Variants in ADGRG6 observed in about 807,000 individuals in gnomAD.
ADGRG6 encodes G-protein coupled receptor 126.
ADGRG6 carries 84 observed loss-of-function variants against 142.4 expected under a neutral mutation model. The ratio of observed to expected loss-of-function variants is 0.59; its 90% CI spans 0.49 to 0.71. The LOEUF (loss-of-function observed/expected upper bound fraction) is 0.71, where lower values mean the gene tolerates loss of function less well. ADGRG6 is among the 30% of genes least tolerant of loss of function. The pLI is 0.00. For synonymous variants in ADGRG6, 521 were observed against 520.5 expected, an observed-to-expected ratio of 1.00 and a Z score of -0.01; for missense variants, 1,367 against 1,466.6, an observed-to-expected ratio of 0.93 and a Z score of 1.11.
At chr6:142,381,139 G>A (rs900778326) in intron 4 of ADGRG6, among the ~76,000 whole-genome samples, 2 of 152,172 alleles carry the variant, frequency 1.3e-5, no homozygotes, top group African/African-American at 4.8e-5. Flanking sequence ...GCTCATGTGC[G>A]AGCTGTGCCT....
At position 142,370,779 on chromosome 6, in the gene ADGRG6, G is replaced by C; in HGVS notation, c.1055G>C (p.Ser352Thr). ...CCAAACCTAGCTCTGAAAGCTGAAA[G>C]CAACCTAAGCTGTGGTGAGTTTGTA... ...NIPNLALKAE[S>T]NLSCGSYLIP... Residue 352 changes from serine (S) to threonine (T), a missense_variant, in exon 4 of 25, where the codon AGC becomes ACC. Physicochemically the swap from Ser to Thr is moderately conservative, Grantham distance 58. Transcript: ENST00000367609. 6.2e-7 allele frequency: 1 copy of C among 1,609,454 alleles called. No homozygotes were observed. The highest frequency in any genetic ancestry group is 8.5e-7 in the Non-Finnish European group (1 of 1,177,700).
At chr6:142,441,657 T>C (rs1777761563) in intron 24 of ADGRG6, among the ~76,000 whole-genome samples, 1 of 152,218 alleles carries the variant, frequency 6.6e-6, no homozygotes, top group Non-Finnish European at 1.5e-5. Context: ...ACAGAGTGAC[T>C]ATATCCTTGA....
intron 2 of ADGRG6, among the ~76,000 whole-genome samples, chr6:142,356,440 G>T (rs920710913): frequency 6.6e-6 from 1 of 152,122 alleles, no homozygotes; most frequent in African/African-American, 2.4e-5. Context: ...AACCTGTATT[G>T]GCTGTCCCTT....
At chr6:142,343,517 TA>T (rs1329905670) in intron 2 of ADGRG6, among the ~76,000 whole-genome samples, 2 of 151,866 alleles carry the variant, frequency 1.3e-5, no homozygotes, top group Non-Finnish European at 2.9e-5. Context: ...CATAAAAAGA[TA>T]AACAGTATTT....
intron 17 of ADGRG6, among the ~76,000 whole-genome samples, chr6:142,410,779 T>G (rs1290481140): frequency 6.6e-6 from 1 of 152,140 alleles, no homozygotes; most frequent in Non-Finnish European, 1.5e-5. Context: ...TTCAATACAT[T>G]GACAATATGC....
chr6:142,388,431 A>G (rs574304856), intron 6 of ADGRG6, among the ~76,000 whole-genome samples: 4 of 152,076 alleles, frequency 2.6e-5, no homozygotes, highest in Non-Finnish European at 5.9e-5. Flanking sequence ...CTTTTCAGAT[A>G]CTCTGCTAGC....
At chr6:142,336,697 A>G (rs1433843332) in intron 2 of ADGRG6, among the ~76,000 whole-genome samples, 1 of 152,240 alleles carries the variant, frequency 6.6e-6, no homozygotes, top group Non-Finnish European at 1.5e-5. Flanking sequence ...ATTTGTACAT[A>G]GATAACACAC....
intron 2 of ADGRG6, among the ~76,000 whole-genome samples, chr6:142,317,806 A>G (rs1778183330): frequency 1.1e-5 from 1 of 90,448 alleles, no homozygotes; most frequent in Non-Finnish European, 2.0e-5. Flanking sequence ...TATATTATAT[A>G]TATTTATATA....
Position 142,415,072 on chromosome 6 carries a change from C to T in ADGRG6, c.2645C>T (p.Thr882Ile), listed in dbSNP as rs1240945456. The T allele has an allele frequency of 1.2e-6, 2 of 1,611,854 alleles. No homozygotes were observed. Among genetic ancestry groups the T allele is most frequent in the South Asian group, 1.1e-5 (1 of 90,886 alleles). The change falls in exon 19 of 25, where the codon ACT (threonine) becomes ATT (isoleucine). Residue 882 changes from threonine to isoleucine, a missense_variant. Thr to Ile is a moderately conservative substitution (Grantham distance 89, BLOSUM62 -1). This residue lies in a region of ADGRG6 where 286 missense variants were observed against 371.4 expected (regional missense o/e 0.77). Coordinates refer to ENST00000367609, the MANE Select transcript of ADGRG6 (RefSeq NM_198569.3). ...CGISAIFSAA[T>I]LLTYVAFEKL... is the part of the protein sequence containing the mutation. ...ATATCTGCTATTTTTTCAGCAGCAACTCTCCTGACATATGTTGCTTTTGAG... is the reference window on the plus strand; with the variant it reads ...ATATCTGCTATTTTTTCAGCAGCAATTCTCCTGACATATGTTGCTTTTGAG...
chr6:142,311,578 T>C (rs968354301), intron 2 of ADGRG6, among the ~76,000 whole-genome samples: 1 of 152,028 alleles, frequency 6.6e-6, no homozygotes, highest in African/African-American at 2.4e-5. Context: ...AATCTTTTTT[T>C]GCATAAATCA....
chr6:142,378,955 T>C (rs757070963), intron 4 of ADGRG6, among the ~76,000 whole-genome samples: 4 of 152,232 alleles, frequency 2.6e-5, no homozygotes, highest in Non-Finnish European at 4.4e-5. Flanking sequence ...TGCTTAAATA[T>C]AGAAATATCT....
At chr6:142,348,212 A>G (rs1280631815) in intron 2 of ADGRG6, among the ~76,000 whole-genome samples, 2 of 152,184 alleles carry the variant, frequency 1.3e-5, no homozygotes, top group Non-Finnish European at 2.9e-5. Flanking sequence ...TGATAGGTTT[A>G]TGTTCTAGGA....
chr6:142,402,112 C>G, intron 12 of ADGRG6, 54 bp downstream of exon 12: 1 of 808,044 alleles, frequency 1.2e-6, no homozygotes, highest in South Asian at 1.6e-5. Context: ...TGACTTCATG[C>G]TTCATGATTT....
chr6:142,421,498 C>T (rs1776650586), intron 22 of ADGRG6, among the ~76,000 whole-genome samples: 1 of 152,092 alleles, frequency 6.6e-6, no homozygotes, highest in South Asian at 2.1e-4. Flanking sequence ...TTAATCTCTT[C>T]TATAATATAC....
At chr6:142,360,734 C>T (rs1780671972) in intron 2 of ADGRG6, among the ~76,000 whole-genome samples, 1 of 152,124 alleles carries the variant, frequency 6.6e-6, no homozygotes, top group African/African-American at 2.4e-5. Flanking sequence ...TCTCAGCTTA[C>T]TGAAACTCCA....
chr6:142,436,621 G>T (rs1365680814), intron 22 of ADGRG6, among the ~76,000 whole-genome samples: 1 of 152,064 alleles, frequency 6.6e-6, no homozygotes, highest in African/African-American at 2.4e-5. Flanking sequence ...GGAATTTTTT[G>T]TTTGTTCTTA....
At chr6:142,442,181 G>C (rs1432197518) in intron 24 of ADGRG6, among the ~76,000 whole-genome samples, 1 of 152,116 alleles carries the variant, frequency 6.6e-6, no homozygotes, top group Non-Finnish European at 1.5e-5. Flanking sequence ...TCCAATTTTA[G>C]AGCCATGATT....
chr6:142,409,694 G>A (rs1241114271), intron 16 of ADGRG6, among the ~76,000 whole-genome samples, 180 bp from the exon 17 acceptor site: 1 of 152,038 alleles, frequency 6.6e-6, no homozygotes, highest in Non-Finnish European at 1.5e-5. Flanking sequence ...GTTGATTTTC[G>A]CTTGAAGTCT....
intron 2 of ADGRG6, among the ~76,000 whole-genome samples, chr6:142,345,795 A>G (rs1480295126): frequency 6.6e-6 from 1 of 152,288 alleles, no homozygotes; most frequent in Admixed American, 6.5e-5. Flanking sequence ...AAATTTGACT[A>G]TTTCAGTAGT....
Sources: allele counts gnomAD v4.1 joint callset (sites outside exome capture counted in the v4.1 genomes callset), GRCh38; gene constraint gnomAD v4.1.1; regional missense constraint gnomAD v4.1.1; transcripts MANE v1.5; gene names NCBI Gene and HGNC (gene_info 2026-07-23, HGNC 2026-07-21).